The following CCDC88A variants were observed in gnomAD, a reference collection of about 807,000 sequenced individuals.
The protein encoded by CCDC88A is coiled-coil and HOOK domain protein 88A.
Under a neutral mutation model 234.3 loss-of-function variants are expected in CCDC88A, and 54 were observed. That is an observed-to-expected ratio of 0.23 (90% CI 0.19 to 0.29). The LOEUF is 0.29. Among genes scored for constraint, CCDC88A ranks in the 10% least tolerant of loss-of-function variants. The pLI, the probability that CCDC88A is intolerant of heterozygous loss-of-function variation, is 1.00. For missense variants in CCDC88A, 1,832 were observed against 2,123.4 expected (o/e 0.86, Z 2.70); for synonymous variants, 753 against 737.8 (o/e 1.02, Z -0.33).
chr2:55,354,818 C>A (rs1025099098), intron 8 of CCDC88A, among the ~76,000 whole-genome samples: 2 of 152,024 alleles, frequency 1.3e-5, no homozygotes, highest in Non-Finnish European at 2.9e-5. Flanking sequence ...CCGCCCGCCT[C>A]AGCCTCCCAA....
Position 55,296,532 on chromosome 2 carries a change from G to A in CCDC88A, c.4826-9C>T, listed in dbSNP as rs1349783743. Reference sequence around the variant, plus strand: ...GTTATTAACTGCACCTGCTTTTGGAGTAAATGGGGTGTTGAGATTTCAATA... The same window carrying A: ...GTTATTAACTGCACCTGCTTTTGGAATAAATGGGGTGTTGAGATTTCAATA... On this transcript the variant is annotated splice_polypyrimidine_tract_variant and intron_variant, in intron 29 of 32. Transcript: ENST00000436346. The A allele has an allele frequency of 6.2e-7, 1 of 1,610,308 alleles. No individual in the cohort carries two copies. The highest frequency in any genetic ancestry group is 8.5e-7 in the Non-Finnish European group (1 of 1,178,412).
chr2:55,312,401 A>G (rs1682454394), intron 23 of CCDC88A, 33 bp downstream of exon 23: 1 of 1,591,038 alleles, frequency 6.3e-7, no homozygotes, highest in Non-Finnish European at 8.6e-7. Context: ...CATGAGTAAC[A>G]TATTTCAGAG....
At chr2:55,384,987 T>C (rs1339164704) in intron 3 of CCDC88A, among the ~76,000 whole-genome samples, 1 of 152,056 alleles carries the variant, frequency 6.6e-6, no homozygotes, top group Non-Finnish European at 1.5e-5. Flanking sequence ...TGATTCAGGG[T>C]TGGTTGCACA....
At chr2:55,405,290 C>T (rs1219635686) in intron 2 of CCDC88A, 2 of 152,180 alleles carry the variant, frequency 1.3e-5, no homozygotes, top group Non-Finnish European at 2.9e-5. Context: ...CCTGACTAAA[C>T]ATACCTTCAA....
chr2:55,391,582 A>C (rs1676652806), intron 2 of CCDC88A, among the ~76,000 whole-genome samples: 1 of 152,140 alleles, frequency 6.6e-6, no homozygotes. Flanking sequence ...GTTTTGAAAA[A>C]CTCAAATGGG....
At position 55,334,454 on chromosome 2, in the gene CCDC88A, T is replaced by C; in HGVS notation, c.2367A>G (p.Leu789=). The change falls in exon 15 of 33, where the codon TTA becomes TTG. Residue 789 remains leucine, a synonymous_variant. Transcript: ENST00000436346. The surrounding 1 kb of genome is among the most constrained non-coding windows in gnomAD (Gnocchi z 6.1). ...TCTGCAATGTTTGATTTTCCATCTC[T>C]AAGTCTTGTAGTTCACTCTCTAATT... ...IQQLESELQD[L]EMENQTLQKN... The C allele has an allele frequency of 6.3e-7, 1 of 1,592,256 alleles. No homozygotes were observed.
rs889062842 is a variant in CCDC88A, at chr2:55,290,822, T to G, written c.*378A>C. 2 of 152,522 alleles carry G rather than the reference T, an allele frequency of 1.3e-5. No individual in the cohort carries two copies. The highest frequency in any genetic ancestry group is 1.3e-4 in the Admixed American group (2 of 15,270). 9.4% of individuals were successfully genotyped at this position (152,522 alleles called of 1,614,324 possible). ...GAAGCATTAAGCAAACATGGATAAA[T>G]TCATAAAACAAATGATGAAAAAAGC... On this transcript the variant is annotated 3_prime_UTR_variant, in exon 33 of 33. Coordinates refer to ENST00000436346, the MANE Select transcript of CCDC88A (RefSeq NM_001365480.1).
At chr2:55,388,006 G>C (rs562673710) in intron 3 of CCDC88A, among the ~76,000 whole-genome samples, 1 of 151,996 alleles carries the variant, frequency 6.6e-6, no homozygotes, top group South Asian at 2.1e-4. Context: ...AAATCAACAA[G>C]GCTGTAAAAG....
intron 5 of CCDC88A, among the ~76,000 whole-genome samples, chr2:55,370,181 T>G (rs1458243580): frequency 2.0e-5 from 3 of 152,172 alleles, no homozygotes; most frequent in Non-Finnish European, 4.4e-5. Flanking sequence ...AGATGGGTCT[T>G]TAAGTTTCTT....
intron 2 of CCDC88A, among the ~76,000 whole-genome samples, chr2:55,407,165 G>T (rs1218519608): frequency 6.6e-6 from 1 of 151,136 alleles, no homozygotes; most frequent in Non-Finnish European, 1.5e-5. Context: ...AGTGAGCTGT[G>T]ATCATGCCAC....
At chr2:55,293,732 A>C (rs1679707665) in intron 31 of CCDC88A, 1 of 152,162 alleles carries the variant, frequency 6.6e-6, no homozygotes, top group African/African-American at 2.4e-5. Context: ...AATGGCAAAA[A>C]ACATTCCAGA....
At chr2:55,345,374 G>A (rs979778081) in intron 10 of CCDC88A, 1 of 152,070 alleles carries the variant, frequency 6.6e-6, no homozygotes, top group African/African-American at 2.4e-5. Flanking sequence ...AATTAACTGA[G>A]AAAGAAGATA....
intron 6 of CCDC88A, among the ~76,000 whole-genome samples, chr2:55,363,194 A>T (rs1671534179): frequency 6.6e-6 from 1 of 152,100 alleles, no homozygotes; most frequent in Non-Finnish European, 1.5e-5. Flanking sequence ...TGTTGATAAT[A>T]ATGTTACTGA....
At position 55,392,259 on chromosome 2, in the gene CCDC88A, T is replaced by C. The variant is rs531941179; in HGVS notation, c.165-3373A>G. The stretch of plus-strand genomic sequence containing the variant: ...CAGTTATTTACATCTTGATGTGTAG[T>C]AGGGCAAGACGCCCTGACTAAATTG... On this transcript the variant is annotated intron_variant, in intron 2 of 32. Transcript: ENST00000436346. Among the ~76,000 whole-genome samples, 9 of 152,348 alleles carry C rather than the reference T, an allele frequency of 5.9e-5. No individual in the cohort carries two copies. The South Asian group carries it at 1.9e-3, about 32-fold the overall frequency.
At chr2:55,350,344 A>G (rs924869252) in intron 8 of CCDC88A, 3 of 152,136 alleles carry the variant, frequency 2.0e-5, no homozygotes, top group Non-Finnish European at 4.4e-5. Context: ...TGATACTAAA[A>G]TCTTTACTTC....
At position 55,364,045 on chromosome 2, in the gene CCDC88A, G is replaced by A. The variant is rs767311287; in HGVS notation, c.403-12C>T. 1.6e-6 allele frequency: 2 copies of A among 1,281,266 alleles called. No individual in the cohort carries two copies. The highest frequency in any genetic ancestry group is 2.2e-6 in the Non-Finnish European group (2 of 894,508). 79.4% of individuals were successfully genotyped at this position (1,281,266 alleles called of 1,614,324 possible). The stretch of plus-strand genomic sequence containing the variant: ...TCTTTTTTCTGACACTAAAATAAAT[G>A]AATAAAATAGTTATTCATACTTTAT... On this transcript the variant is annotated splice_polypyrimidine_tract_variant and intron_variant, in intron 5 of 32. Transcript: ENST00000436346.
At chr2:55,333,709 A>C (rs1423978394) in intron 15 of CCDC88A, among the ~76,000 whole-genome samples, 1 of 152,112 alleles carries the variant, frequency 6.6e-6, no homozygotes, top group Non-Finnish European at 1.5e-5. Flanking sequence ...ATTTATGTAT[A>C]TACAACTTAT....
chr2:55,346,231 C>T lies in CCDC88A; in HGVS notation c.985G>A (p.Val329Ile). The T allele has an allele frequency of 5.6e-6, 9 of 1,611,714 alleles. No homozygotes were observed. The highest frequency in any genetic ancestry group is 7.6e-6 in the Non-Finnish European group (9 of 1,178,202). Residue 329 changes from valine (V) to isoleucine (I), a missense_variant, in exon 10 of 33, where the codon GTC (valine) becomes ATC (isoleucine). Physicochemically the swap from Val to Ile is conservative, Grantham distance 29 (BLOSUM62 3). Transcript: ENST00000436346. Reference protein sequence around the residue: ...AVRVDKLESEVSRYKERLHDI... With the variant: ...AVRVDKLESEISRYKERLHDI... ...TGTAGTCTCTCTTTATATCTGCTGACTTCACTTTCAAGCTTATCGACTCTG... is the reference window on the plus strand; with the variant it reads ...TGTAGTCTCTCTTTATATCTGCTGATTTCACTTTCAAGCTTATCGACTCTG...
At chr2:55,390,088 A>G (rs969257484) in intron 2 of CCDC88A, among the ~76,000 whole-genome samples, 5 of 148,206 alleles carry the variant, frequency 3.4e-5, no homozygotes, top group Non-Finnish European at 7.5e-5. Flanking sequence ...TTATTTATGT[A>G]TCAACTCACT....
Sources: gnomAD v4.1 joint callset for allele counts (sites outside exome capture counted in the v4.1 genomes callset) on GRCh38, gnomAD v4.1.1 for gene constraint, Gnocchi (gnomAD v3.1) non-coding constraint, MANE v1.5 for transcripts, NCBI Gene and HGNC (gene_info 2026-07-23, HGNC 2026-07-21) for gene names.